Variants in DCC observed in about 807,000 individuals in gnomAD.
DCC encodes the protein netrin receptor DCC.
DCC carries 58 observed loss-of-function variants against 172.5 expected under a neutral mutation model. The observed-to-expected ratio is 0.34, with a 90% confidence interval of 0.27 to 0.42. The LOEUF (loss-of-function observed/expected upper bound fraction) is 0.42. Among genes scored for constraint, DCC ranks in the 10% least tolerant of loss-of-function variants. The probability of loss-of-function intolerance (pLI) is 1.00; values close to 1 mark genes in which losing one functional copy is unlikely to be tolerated. For synonymous variants in DCC, 709 were observed against 644.5 expected (o/e 1.10, Z -1.52); for missense variants, 1,740 against 1,791.0 (o/e 0.97, Z 0.51).
At chr18:52,965,845 A>G (rs934985246) in intron 5 of DCC, among the ~76,000 whole-genome samples, 3 of 152,154 alleles carry the variant, frequency 2.0e-5, no homozygotes, top group African/African-American at 7.2e-5. Context: ...CACTGGATCC[A>G]TTAGCTCAAT....
At chr18:52,345,518 T>C (rs764550910) in intron 1 of DCC, among the ~76,000 whole-genome samples, 1 of 152,210 alleles carries the variant, frequency 6.6e-6, no homozygotes, top group Non-Finnish European at 1.5e-5. Context: ...CTCAATTAAA[T>C]AGCAACACAA....
At chr18:52,371,636 C>T (rs1028083115) in intron 1 of DCC, among the ~76,000 whole-genome samples, 13 of 152,152 alleles carry the variant, frequency 8.5e-5, no homozygotes, top group African/African-American at 1.9e-4. Flanking sequence ...CTTCCCCTCC[C>T]GCCTGCTTCT....
chr18:53,166,480 A>G (rs769231197), intron 8 of DCC, among the ~76,000 whole-genome samples: 2 of 152,160 alleles, frequency 1.3e-5, no homozygotes, highest in African/African-American at 2.4e-5. Context: ...GAATGATAAA[A>G]GAATCCAGAA....
intron 12 of DCC, among the ~76,000 whole-genome samples, chr18:53,258,577 C>A (rs939649493): frequency 6.6e-6 from 1 of 151,982 alleles, no homozygotes; most frequent in Non-Finnish European, 1.5e-5. Flanking sequence ...GTCTGAGAGA[C>A]AGTTTGTTAT....
At chr18:52,666,479 C>T (rs757465004) in intron 1 of DCC, among the ~76,000 whole-genome samples, 52 of 152,090 alleles carry the variant, frequency 3.4e-4, no homozygotes, top group Non-Finnish European at 1.0e-4. Context: ...AATTTGCTTT[C>T]ATATTTATAT....
intron 1 of DCC, among the ~76,000 whole-genome samples, chr18:52,648,033 A>G (rs959159283): frequency 3.3e-5 from 5 of 152,234 alleles, no homozygotes; most frequent in Non-Finnish European, 4.4e-5. Flanking sequence ...ATCTTGAATT[A>G]TGAGTAGGAA....
chr18:52,739,804 T>C (rs1382798405), intron 1 of DCC, among the ~76,000 whole-genome samples: 1 of 152,184 alleles, frequency 6.6e-6, no homozygotes, highest in Non-Finnish European at 1.5e-5. Context: ...TCTTTTGCAA[T>C]TGAGAATACC....
At chr18:52,858,083 C>T (rs1346116323) in intron 2 of DCC, among the ~76,000 whole-genome samples, 4 of 152,132 alleles carry the variant, frequency 2.6e-5, no homozygotes, top group Admixed American at 2.6e-4. Flanking sequence ...TGTTGTTTTC[C>T]ATGAAGTTTA....
At chr18:52,642,036 ATATATATATACTGTGGTGTGTGTGTG>A (rs1459746091) in intron 1 of DCC, among the ~76,000 whole-genome samples, 5,085 of 19,062 alleles carry the variant, frequency 0.27, 165 homozygotes, top group Non-Finnish European at 0.41. Flanking sequence ...ATATATATAT[ATATATATATACTGTGGTGTGTGTGTG>A]TATATATATA....
intron 11 of DCC, among the ~76,000 whole-genome samples, chr18:53,208,041 A>T (rs529570798): frequency 6.6e-6 from 1 of 151,570 alleles, no homozygotes; most frequent in East Asian, 1.9e-4. Context: ...AGGCAGGAGG[A>T]TGAGTTAAGC....
chr18:52,656,642 T>A (rs2035260268), intron 1 of DCC, among the ~76,000 whole-genome samples: 1 of 152,214 alleles, frequency 6.6e-6, no homozygotes, highest in Non-Finnish European at 1.5e-5. Flanking sequence ...ACAGTGAGAC[T>A]TGCCACAGTG....
At chr18:53,099,438 C>T (rs1216610919) in intron 7 of DCC, among the ~76,000 whole-genome samples, 1 of 152,056 alleles carries the variant, frequency 6.6e-6, no homozygotes, top group Non-Finnish European at 1.5e-5. Context: ...AAATACTTTA[C>T]CCACAAAGCT....
At position 53,285,391 on chromosome 18, in the gene DCC, T is replaced by C. The variant is rs560457060; in HGVS notation, c.1912-20187T>C. Among the ~76,000 whole-genome samples the C allele has an allele frequency of 4.9e-4, 75 of 152,292 alleles. 1 individual carries two copies. Among genetic ancestry groups the C allele is most frequent in the African/African-American group, 1.7e-3 (72 of 41,576 alleles). ...TGACTAAAAGAGGCCAAGGTACAGC[T>C]CTAGCTGTTGCTCCAGAGGGCAGAA... On this transcript the variant is annotated intron_variant, in intron 12 of 28. Coordinates refer to ENST00000442544, the MANE Select transcript of DCC (RefSeq NM_005215.4).
chr18:52,879,021 A>G (rs1249221717), intron 2 of DCC, among the ~76,000 whole-genome samples: 1 of 152,006 alleles, frequency 6.6e-6, no homozygotes, highest in Non-Finnish European at 1.5e-5. Flanking sequence ...ATTGATTGCA[A>G]TTTTGGGGGA....
intron 12 of DCC, among the ~76,000 whole-genome samples, chr18:53,292,072 C>A (rs1199332340): frequency 6.6e-6 from 1 of 151,854 alleles, no homozygotes; most frequent in Non-Finnish European, 1.5e-5. Flanking sequence ...ACACACCAAA[C>A]TCACTGCTTT....
chr18:52,437,860 A>G (rs1354531451), intron 1 of DCC, among the ~76,000 whole-genome samples: 1 of 152,202 alleles, frequency 6.6e-6, no homozygotes, highest in African/African-American at 2.4e-5. Context: ...TTACAGTGGC[A>G]GTAAATACTA....
intron 7 of DCC, among the ~76,000 whole-genome samples, chr18:53,085,093 C>T (rs992019503): frequency 6.6e-6 from 1 of 152,082 alleles, no homozygotes; most frequent in Admixed American, 6.6e-5. Flanking sequence ...CCCAGAGAAT[C>T]CAGCCTCCAG....
intron 15 of DCC, among the ~76,000 whole-genome samples, chr18:53,353,191 C>G (rs1348409623): frequency 6.6e-6 from 1 of 151,422 alleles, no homozygotes; most frequent in African/African-American, 2.4e-5. Context: ...GCAGGAATCA[C>G]TTGAACCCAG....
At chr18:52,469,075 A>G (rs188271626) in intron 1 of DCC, among the ~76,000 whole-genome samples, 197 of 150,088 alleles carry the variant, frequency 1.3e-3, no homozygotes, top group African/African-American at 4.2e-3. Flanking sequence ...TTATTTATTT[A>G]GAGACAGAGT....
Sources: gnomAD v4.1 joint callset for allele counts (sites outside exome capture counted in the v4.1 genomes callset) on GRCh38, gnomAD v4.1.1 for gene constraint, MANE v1.5 for transcripts, NCBI Gene and HGNC (gene_info 2026-07-23, HGNC 2026-07-21) for gene names.